The following MLLT10 variants were observed in gnomAD, a reference collection of about 807,000 sequenced individuals.
The protein encoded by MLLT10 is MLLT10 histone lysine methyltransferase DOT1L cofactor.
MLLT10 carries 30 observed loss-of-function variants against 129.1 expected under a neutral mutation model. The ratio of observed to expected loss-of-function variants is 0.23; its 90% CI spans 0.17 to 0.32. The LOEUF is 0.32. Ranked by LOEUF, MLLT10 falls within the 10% of genes least tolerant of loss-of-function variation. The pLI is 1.00. For synonymous variants in MLLT10, 490 were observed against 446.4 expected (o/e 1.10, Z -1.23); for missense variants, 1,119 against 1,268.3 (o/e 0.88, Z 1.79).
At chr10:21,572,498 T>A (rs2131039899) in intron 3 of MLLT10, among the ~76,000 whole-genome samples, 1 of 152,350 alleles carries the variant, frequency 6.6e-6, no homozygotes. Context: ...TAACAACGAT[T>A]GAGTCTTAAT....
intron 3 of MLLT10, among the ~76,000 whole-genome samples, chr10:21,555,413 G>T (rs951608247): frequency 6.6e-6 from 1 of 150,992 alleles, no homozygotes; most frequent in Non-Finnish European, 1.5e-5. Flanking sequence ...AGTAGAGACT[G>T]GGTTTTGCCA....
chr10:21,645,088 T>C (rs1397406669), intron 8 of MLLT10, among the ~76,000 whole-genome samples: 2 of 152,180 alleles, frequency 1.3e-5, no homozygotes, highest in Admixed American at 6.5e-5. Context: ...TAGGAACATA[T>C]AAAATCACCT....
intron 13 of MLLT10, among the ~76,000 whole-genome samples, chr10:21,687,560 T>TTA (rs1485385368): frequency 1.3e-5 from 2 of 152,200 alleles, no homozygotes; most frequent in Non-Finnish European, 1.5e-5. Flanking sequence ...AGTGTGTTCT[T>TTA]TATGCTTATA....
chr10:21,550,493 C>T (rs747156374), intron 3 of MLLT10, among the ~76,000 whole-genome samples: 2 of 152,118 alleles, frequency 1.3e-5, no homozygotes, highest in Non-Finnish European at 2.9e-5. Flanking sequence ...CTGATAGCTT[C>T]GTTAACTGCC....
intron 4 of MLLT10, among the ~76,000 whole-genome samples, chr10:21,592,754 G>A (rs543303949): frequency 1.3e-5 from 2 of 152,158 alleles, no homozygotes; most frequent in Admixed American, 6.5e-5. Context: ...GTGAGCCACC[G>A]CGCCCGGCCA....
intron 5 of MLLT10, among the ~76,000 whole-genome samples, chr10:21,608,608 A>G (rs571077060): frequency 2.7e-5 from 4 of 146,252 alleles, no homozygotes; most frequent in South Asian, 4.7e-4. Flanking sequence ...TGTAGTTTCT[A>G]TCTCCCTTTC....
At chr10:21,569,545 C>T (rs571575423) in intron 3 of MLLT10, among the ~76,000 whole-genome samples, 77 of 150,260 alleles carry the variant, frequency 5.1e-4, no homozygotes, top group Middle Eastern at 7.1e-3. Context: ...CTCAGCCTCC[C>T]GAGTAGCTAG....
intron 3 of MLLT10, among the ~76,000 whole-genome samples, chr10:21,569,211 G>A (rs2039931517): frequency 6.6e-6 from 1 of 152,064 alleles, no homozygotes; most frequent in Admixed American, 6.6e-5. Flanking sequence ...TGTTATTCAA[G>A]CTTCTGTATC....
chr10:21,552,359 A>C (rs1307747161), intron 3 of MLLT10, among the ~76,000 whole-genome samples: 1 of 147,816 alleles, frequency 6.8e-6, no homozygotes, highest in Non-Finnish European at 1.5e-5. Flanking sequence ...TAAGACTATA[A>C]GACTAAATCT....
chr10:21,735,034 CTTAAG>C (rs924016080), intron 20 of MLLT10, 100 bp from the exon 21 acceptor site: 17 of 770,180 alleles, frequency 2.2e-5, no homozygotes, highest in Admixed American at 1.9e-4. Flanking sequence ...CAGAATTGTA[CTTAAG>C]TTATTAAACA....
intron 3 of MLLT10, among the ~76,000 whole-genome samples, chr10:21,582,088 C>T (rs1410210256): frequency 6.6e-6 from 1 of 151,762 alleles, no homozygotes; most frequent in African/African-American, 2.4e-5. Flanking sequence ...ATTCATATAG[C>T]TTTTCTTATA....
intron 5 of MLLT10, among the ~76,000 whole-genome samples, chr10:21,607,569 C>T (rs1468895766): frequency 6.6e-6 from 1 of 152,158 alleles, no homozygotes; most frequent in African/African-American, 2.4e-5. Context: ...GATCCGCCCA[C>T]CTTGTCCTCC....
chr10:21,728,866 ATT>A (rs201564671), intron 16 of MLLT10, among the ~76,000 whole-genome samples: 6 of 139,140 alleles, frequency 4.3e-5, no homozygotes, highest in African/African-American at 7.9e-5. Context: ...CATGTCTACA[ATT>A]TTTTTTTTTT....
In MLLT10 at chr10:21,727,892, G is replaced by A; in HGVS notation, c.2027G>A (p.Gly676Asp). 3 of 1,614,008 alleles carry A rather than the reference G, an allele frequency of 1.9e-6. No homozygotes were observed. The highest frequency in any genetic ancestry group is 2.7e-5 in the African/African-American group (2 of 75,014). ...GGAGACAATAGCCGCAACCTAGTTGGCAGAGGAAGCTCACCCCGAGGAAGT... is the reference window on the plus strand; with the variant it reads ...GGAGACAATAGCCGCAACCTAGTTGACAGAGGAAGCTCACCCCGAGGAAGT... ...DLGDNSRNLV[G>D]RGSSPRGSLS... Residue 676 changes from glycine (G) to aspartate (D), a missense_variant, in exon 16 of 23, where the codon GGC (glycine) becomes GAC (aspartate). This residue lies in a region of MLLT10 where 1,004 missense variants were observed against 1,008.7 expected (regional missense o/e 1.00). Transcript: ENST00000307729.
intron 8 of MLLT10, among the ~76,000 whole-genome samples, chr10:21,642,180 G>T (rs2048070621): frequency 6.6e-6 from 1 of 151,794 alleles, no homozygotes; most frequent in Admixed American, 6.6e-5. Context: ...GTGAAACCCA[G>T]TCTCTATGAA....
At chr10:21,736,496 C>T (rs188885916) in intron 21 of MLLT10, among the ~76,000 whole-genome samples, 1 of 152,288 alleles carries the variant, frequency 6.6e-6, no homozygotes, top group East Asian at 1.9e-4. Context: ...GTTGCCCAGG[C>T]TGGTCTTGAA....
chr10:21,697,363 G>T (rs2054480981), intron 13 of MLLT10, among the ~76,000 whole-genome samples: 1 of 152,098 alleles, frequency 6.6e-6, no homozygotes, highest in Admixed American at 6.5e-5. Flanking sequence ...CTACTCAGGA[G>T]GCCGAGGCAG....
chr10:21,539,438 G>C (rs1201199225), intron 3 of MLLT10, among the ~76,000 whole-genome samples: 1 of 140,894 alleles, frequency 7.1e-6, no homozygotes, highest in Non-Finnish European at 1.5e-5. Context: ...TTTTTAACTT[G>C]GGTGGTTACC....
chr10:21,646,573 A>G (rs1038470580), intron 8 of MLLT10, among the ~76,000 whole-genome samples: 1 of 152,090 alleles, frequency 6.6e-6, no homozygotes, highest in Non-Finnish European at 1.5e-5. Context: ...TAAAAAAAAT[A>G]AACAGAATTT....
Sources: gnomAD v4.1 joint callset for allele counts (sites outside exome capture counted in the v4.1 genomes callset) on GRCh38, gnomAD v4.1.1 for gene constraint, gnomAD v4.1.1 regional missense constraint, MANE v1.5 for transcripts, NCBI Gene and HGNC (gene_info 2026-07-23, HGNC 2026-07-21) for gene names.